ADAMTS17: variants seen among roughly 807,000 people sequenced by gnomAD.
The protein encoded by ADAMTS17 is ADAM metallopeptidase with thrombospondin type 1 motif 17.
ADAMTS17 carries 113 observed loss-of-function variants against 141.5 expected under a neutral mutation model. The ratio of observed to expected loss-of-function variants is 0.80; its 90% CI spans 0.69 to 0.93. ADAMTS17 has a LOEUF of 0.93. Ranked by LOEUF, ADAMTS17 falls within the 40% of genes least tolerant of loss-of-function variation. ADAMTS17 has a pLI of 0.00. For missense variants in ADAMTS17, 1,659 were observed against 1,517.9 expected, an observed-to-expected ratio of 1.09 and a Z score of -1.54; for synonymous variants, 768 against 630.6, an observed-to-expected ratio of 1.22 and a Z score of -3.27.
At chr15:100,097,160 CTT>C (rs1029941017) in intron 14 of ADAMTS17, among the ~76,000 whole-genome samples, 1 of 152,154 alleles carries the variant, frequency 6.6e-6, no homozygotes, top group Admixed American at 6.5e-5. Context: ...GTTTTGGACT[CTT>C]TTTTTCTTTT....
chr15:99,987,255 G>C (rs1221332705), intron 20 of ADAMTS17, among the ~76,000 whole-genome samples: 1 of 152,210 alleles, frequency 6.6e-6, no homozygotes, highest in African/African-American at 2.4e-5. Context: ...CCATCTGCTG[G>C]AAGATTGCCC....
At chr15:100,195,571 T>C (rs1249463698) in intron 8 of ADAMTS17, among the ~76,000 whole-genome samples, 1 of 136,056 alleles carries the variant, frequency 7.3e-6, no homozygotes, top group Admixed American at 8.2e-5. Flanking sequence ...CCTAATAGTC[T>C]CAGACTTACA....
At chr15:100,264,305 T>A (rs1326575756) in intron 4 of ADAMTS17, among the ~76,000 whole-genome samples, 1 of 152,114 alleles carries the variant, frequency 6.6e-6, no homozygotes, top group Admixed American at 6.5e-5. Flanking sequence ...TCGAGAACCA[T>A]CCAATGGCTG....
At chr15:100,039,976 A>T (rs1055908096) in intron 18 of ADAMTS17, among the ~76,000 whole-genome samples, 25 of 152,228 alleles carry the variant, frequency 1.6e-4, no homozygotes, top group African/African-American at 5.5e-4. Flanking sequence ...TAGTTTTTTT[A>T]AAAAAATCTT....
rs550926358 is a variant in ADAMTS17, at chr15:100,142,793, A to T, written c.1474-9478T>A. Among the ~76,000 whole-genome samples the T allele has an allele frequency of 3.9e-5, 6 of 152,338 alleles. No homozygotes were observed. In the South Asian group the frequency reaches 1.2e-3, roughly 32 times the overall value. On this transcript the variant is annotated intron_variant, in intron 10 of 21. Coordinates refer to ENST00000268070, the MANE Select transcript of ADAMTS17 (RefSeq NM_139057.4). ...AAAGAGAAAGGAGGGAGTATTACGTAGAAACAATTGTCTAAGACCTTCCAA... is the reference window on the plus strand; with the variant it reads ...AAAGAGAAAGGAGGGAGTATTACGTTGAAACAATTGTCTAAGACCTTCCAA...
At chr15:100,269,363 C>T (rs1223455380) in intron 4 of ADAMTS17, among the ~76,000 whole-genome samples, 1 of 152,182 alleles carries the variant, frequency 6.6e-6, no homozygotes, top group African/African-American at 2.4e-5. Flanking sequence ...GGTGTTGGGT[C>T]ATATGTCATA....
rs544327931 is a variant in ADAMTS17, at chr15:100,332,272, T to G, written c.451-1218A>C. ...AACTTGAGTTTGTTCACTAGGAAAC[T>G]TTGGGGAAACTGAAGAAATGGAAGA... is the stretch of plus-strand genomic sequence containing the variant. On this transcript the variant is annotated intron_variant, in intron 2 of 21. Coordinates refer to ENST00000268070, the MANE Select transcript of ADAMTS17 (RefSeq NM_139057.4). Among the ~76,000 whole-genome samples, 3 of 152,360 alleles carry G rather than the reference T, an allele frequency of 2.0e-5. No individual in the cohort carries two copies. The East Asian group carries it at 5.8e-4, about 29-fold the overall frequency.
At position 100,254,415 on chromosome 15, in the gene ADAMTS17, G is replaced by A. The variant is rs4471661; in HGVS notation, c.1032-236C>T. 0.63 allele frequency among the ~76,000 whole-genome samples: 95,248 copies of A among 151,992 alleles called. 30,581 individuals are homozygous for A. The highest frequency in any genetic ancestry group is 0.8 in the East Asian group (4,121 of 5,172). On this transcript the variant is annotated intron_variant, in intron 6 of 21. Transcript: ENST00000268070. ...CTTTTACAGATGAACTATTCTATAC[G>A]TAACAGTTGCTGGAAGGACTCCTTT...
At chr15:100,068,576 G>C (rs535671713) in intron 15 of ADAMTS17, among the ~76,000 whole-genome samples, 1 of 152,326 alleles carries the variant, frequency 6.6e-6, no homozygotes, top group South Asian at 2.1e-4. Context: ...CGATCAGGCA[G>C]CAACATCTGC....
intron 8 of ADAMTS17, among the ~76,000 whole-genome samples, chr15:100,160,736 G>C (rs777073464): frequency 6.6e-6 from 1 of 152,174 alleles, no homozygotes; most frequent in Non-Finnish European, 1.5e-5. Context: ...AAAATCAGCC[G>C]AGTGGGATTC....
intron 12 of ADAMTS17, among the ~76,000 whole-genome samples, chr15:100,120,823 A>G (rs965743501): frequency 5.3e-5 from 8 of 152,268 alleles, no homozygotes. Flanking sequence ...CACAAGGCAT[A>G]CAAAGAAACA....
intron 16 of ADAMTS17, 92 bp downstream of exon 16, chr15:100,053,805 C>T (rs533660472): frequency 2.6e-5 from 42 of 1,597,234 alleles, no homozygotes; most frequent in Non-Finnish European, 2.3e-5. Flanking sequence ...TTCCTGCCCC[C>T]GAGGTCCCAG....
rs531389141 is a variant in ADAMTS17, at chr15:100,096,228, A to T, written c.2137+128T>A. On this transcript the variant is annotated intron_variant, in intron 15 of 21. Coordinates refer to ENST00000268070, the MANE Select transcript of ADAMTS17 (RefSeq NM_139057.4). ...TCTTGCTTTTCAGAAATGAAACTGA[A>T]GTTCCAGGTCACCTATCCACTACCA... 1.6e-4 allele frequency: 238 copies of T among 1,481,560 alleles called. 1 individual carries two copies. The highest frequency in any genetic ancestry group is 3.4e-4 in the Admixed American group (18 of 53,724). The allele number at this position is 1,481,560 out of a possible 1,614,324, so 91.8% of individuals were successfully genotyped here. A position where few individuals can be genotyped will look rare whatever the true frequency, so the allele number is the denominator to read the frequency against.
intron 3 of ADAMTS17, chr15:100,306,703 G>T (rs10902571): frequency 0.64 from 255,527 of 401,488 alleles, 83,049 homozygotes; most frequent in South Asian, 0.77. Flanking sequence ...CAGGGACTGA[G>T]ACAGCAGTCA....
intron 3 of ADAMTS17, among the ~76,000 whole-genome samples, chr15:100,292,347 A>G (rs1167143293): frequency 1.3e-5 from 2 of 151,834 alleles, no homozygotes; most frequent in East Asian, 3.9e-4. Context: ...ATTACGAGAG[A>G]CACTCACCCC....
At position 100,047,278 on chromosome 15, in the gene ADAMTS17, G is replaced by A. The variant is rs1421854903; in HGVS notation, c.2591+1579C>T. 5.2e-5 allele frequency among the ~76,000 whole-genome samples: 6 copies of A among 114,796 alleles called. 2 individuals are homozygous for A. The East Asian group carries it at 9.9e-4, about 19-fold the overall frequency. The allele number at this position is 114,796 out of a possible 152,430, so 75.3% of individuals were successfully genotyped here. On this transcript the variant is annotated intron_variant, in intron 18 of 21. Transcript: ENST00000268070. ...CCCGAAACTTCATTAGCAATTTTTC[G>A]CCCCGGTCCTGTGGTCCTGTGATCT... is the stretch of plus-strand genomic sequence containing the variant.
intron 7 of ADAMTS17, among the ~76,000 whole-genome samples, chr15:100,226,883 T>C (rs547198706): frequency 3.9e-5 from 6 of 152,360 alleles, no homozygotes; most frequent in South Asian, 2.1e-4. Context: ...CAATTGCTAA[T>C]AATCAACTGT....
chr15:100,036,612 A>T (rs2030742395), intron 18 of ADAMTS17, among the ~76,000 whole-genome samples: 1 of 152,250 alleles, frequency 6.6e-6, no homozygotes, highest in Admixed American at 6.5e-5. Context: ...GCTTTGAGAC[A>T]TAACTCATAT....
chr15:100,161,558 G>A (rs1012737633), intron 8 of ADAMTS17, among the ~76,000 whole-genome samples: 1 of 152,208 alleles, frequency 6.6e-6, no homozygotes, highest in South Asian at 2.1e-4. Flanking sequence ...TGACTTTGCA[G>A]TAACTGGAAT....
Sources: allele counts gnomAD v4.1 joint callset (sites outside exome capture counted in the v4.1 genomes callset), GRCh38; gene constraint gnomAD v4.1.1; transcripts MANE v1.5; gene names NCBI Gene and HGNC (gene_info 2026-07-23, HGNC 2026-07-21).